Variants in KATNA1 observed in about 807,000 individuals in gnomAD.
KATNA1 encodes the protein katanin catalytic subunit A1, also known as katanin p60 ATPase-containing subunit A1.
KATNA1 carries 42 observed loss-of-function variants against 62.6 expected under a neutral mutation model. The ratio of observed to expected loss-of-function variants is 0.67; its 90% confidence interval spans 0.52 to 0.87. The LOEUF (loss-of-function observed/expected upper bound fraction) is 0.87, where lower values mean the gene tolerates loss of function less well. KATNA1 is among the 40% of genes least tolerant of loss of function. KATNA1 has a pLI of 0.00. For missense variants in KATNA1, 498 were observed against 612.5 expected (o/e 0.81, Z 1.97); for synonymous variants, 186 against 201.9 (o/e 0.92, Z 0.67).
At chr6:149,641,502 C>T (rs1221738179) in intron 1 of KATNA1, among the ~76,000 whole-genome samples, 7 of 151,910 alleles carry the variant, frequency 4.6e-5, no homozygotes, top group Non-Finnish European at 1.5e-5. Flanking sequence ...TTTAACCAAA[C>T]TTCTAAACAG....
intron 1 of KATNA1, among the ~76,000 whole-genome samples, chr6:149,647,673 A>G (rs1780541977): frequency 6.6e-6 from 1 of 152,168 alleles, no homozygotes; most frequent in South Asian, 2.1e-4. Context: ...TTACGTGACA[A>G]AGATCTACTG....
intron 1 of KATNA1, among the ~76,000 whole-genome samples, chr6:149,641,235 G>A (rs1189685354): frequency 6.7e-6 from 1 of 148,552 alleles, no homozygotes; most frequent in Non-Finnish European, 1.5e-5. Flanking sequence ...GGAGTGCGGT[G>A]GCATGTTCTC....
chr6:149,619,760 G>C (rs1308808305), intron 4 of KATNA1, among the ~76,000 whole-genome samples: 1 of 152,130 alleles, frequency 6.6e-6, no homozygotes, highest in African/African-American at 2.4e-5. Flanking sequence ...ATGAACATAG[G>C]AGTGCAGATA....
intron 7 of KATNA1, among the ~76,000 whole-genome samples, chr6:149,600,804 T>C (rs1582752718): frequency 6.9e-6 from 1 of 144,296 alleles, no homozygotes; most frequent in African/African-American, 2.6e-5. Context: ...GAGCTGAGTG[T>C]GGTGGCTCAT....
chr6:149,628,388 C>T (rs1029747389), intron 3 of KATNA1, among the ~76,000 whole-genome samples: 5 of 150,382 alleles, frequency 3.3e-5, no homozygotes, highest in Non-Finnish European at 1.5e-5. Flanking sequence ...GGATTACAGG[C>T]GTGAGCCACC....
intron 4 of KATNA1, among the ~76,000 whole-genome samples, chr6:149,615,593 G>GC (rs1779140147): frequency 6.6e-6 from 1 of 152,050 alleles, no homozygotes; most frequent in African/African-American, 2.4e-5. Flanking sequence ...GGCTTAAATG[G>GC]ATTAAACCCT....
At chr6:149,621,368 C>G (rs1779387325) in intron 4 of KATNA1, among the ~76,000 whole-genome samples, 8 of 152,028 alleles carry the variant, frequency 5.3e-5, no homozygotes. Flanking sequence ...TCGTGATCCG[C>G]CCAACTCGGC....
intron 4 of KATNA1, among the ~76,000 whole-genome samples, chr6:149,606,806 G>A (rs1002546031): frequency 6.6e-6 from 1 of 152,060 alleles, no homozygotes; most frequent in Non-Finnish European, 1.5e-5. Flanking sequence ...TTTTAGTAGA[G>A]ATGGGGTTTC....
chr6:149,616,428 G>A (rs530170379), intron 4 of KATNA1, among the ~76,000 whole-genome samples: 69 of 152,312 alleles, frequency 4.5e-4, no homozygotes, highest in African/African-American at 1.6e-3. Context: ...ATAAAATGGT[G>A]CAGCCACTGT....
intron 10 of KATNA1, among the ~76,000 whole-genome samples, chr6:149,596,858 T>G (rs1449003865): frequency 6.6e-6 from 1 of 152,040 alleles, no homozygotes; most frequent in Admixed American, 6.6e-5. Context: ...ACCACCAAGA[T>G]ATTGATCTGT....
At chr6:149,615,242 C>T (rs1425436682) in intron 4 of KATNA1, among the ~76,000 whole-genome samples, 5 of 141,630 alleles carry the variant, frequency 3.5e-5, no homozygotes, top group East Asian at 2.1e-4. Context: ...TTTGCTCTGT[C>T]GTCCAGGCTG....
rs746898608 is a variant in KATNA1, at chr6:149,597,169, A to G, written c.1171T>C (p.Leu391=). The G allele has an allele frequency of 1.9e-6, 3 of 1,613,928 alleles. No individual in the cohort carries two copies. In the South Asian group the frequency reaches 3.3e-5, roughly 18 times the overall value. ...TCCAACTCACGTAGACTTATTCGTA[A>G]TAGCTCCTCCCTGCCTTTTGCTAAT... ...LPSAKGREEL[L]RISLRELELA... The change falls in exon 10 of 11, where the codon TTA becomes CTA. Residue 391 remains leucine, a synonymous_variant. Coordinates refer to ENST00000367411, the MANE Select transcript of KATNA1 (RefSeq NM_007044.4).
chr6:149,611,339 G>A (rs566586844), intron 4 of KATNA1, among the ~76,000 whole-genome samples: 231 of 151,036 alleles, frequency 1.5e-3, no homozygotes, highest in African/African-American at 5.3e-3. Flanking sequence ...GCGGGGGCCT[G>A]TAATCTCAGC....
rs1489734703 is a variant in KATNA1, at chr6:149,598,113, A to G, written c.1015+111T>C. ...CTCTAGTCCATCTGAAGTTAAGAAT[A>G]CCTATTAAAAGCTTGGGTTAGCACT... On this transcript the variant is annotated intron_variant, in intron 8 of 10. Coordinates refer to ENST00000367411, the MANE Select transcript of KATNA1 (RefSeq NM_007044.4). 4.3e-6 allele frequency: 5 copies of G among 1,157,902 alleles called. No homozygotes were observed. The Admixed American group carries it at 1.1e-4, about 26-fold the overall frequency. 71.7% of individuals were successfully genotyped at this position (1,157,902 alleles called of 1,614,324 possible).
chr6:149,647,437 C>G (rs1383317092), intron 1 of KATNA1, among the ~76,000 whole-genome samples: 1 of 143,908 alleles, frequency 6.9e-6, no homozygotes, highest in Non-Finnish European at 1.5e-5. Context: ...GCAGGGGAAT[C>G]GCTTGAACCC....
At chr6:149,637,900 G>C (rs761580157) in intron 2 of KATNA1, among the ~76,000 whole-genome samples, 3 of 152,048 alleles carry the variant, frequency 2.0e-5, no homozygotes, top group Admixed American at 1.3e-4. Flanking sequence ...TGGTGAAAGT[G>C]GATTATTATT....
At chr6:149,603,759 G>T (rs997870846) in intron 5 of KATNA1, among the ~76,000 whole-genome samples, 1 of 152,054 alleles carries the variant, frequency 6.6e-6, no homozygotes. Flanking sequence ...AATAAAAATC[G>T]TATAAAGCAG....
chr6:149,634,553 T>C (rs1382506647), intron 2 of KATNA1, among the ~76,000 whole-genome samples: 1 of 152,206 alleles, frequency 6.6e-6, no homozygotes, highest in African/African-American at 2.4e-5. Context: ...TTGCCCAGGC[T>C]GTACTACAGT....
intron 4 of KATNA1, among the ~76,000 whole-genome samples, chr6:149,612,230 C>T (rs190817104): frequency 6.8e-4 from 103 of 151,716 alleles, no homozygotes; most frequent in African/African-American, 2.5e-3. Context: ...AATTAAGGCC[C>T]GGCGTGGTGG....
Sources: gnomAD v4.1 joint callset for allele counts (sites outside exome capture counted in the v4.1 genomes callset) on GRCh38, gnomAD v4.1.1 for gene constraint, MANE v1.5 for transcripts, NCBI Gene and HGNC (gene_info 2026-07-23, HGNC 2026-07-21) for gene names.